Variants in VCPKMT observed in about 807,000 individuals in gnomAD.
The protein encoded by VCPKMT is valosin containing protein lysine methyltransferase, also known as protein N-lysine methyltransferase METTL21D.
A neutral mutation model predicts 28.6 loss-of-function variants in VCPKMT; 32 were observed. The ratio of observed to expected loss-of-function variants is 1.12; its 90% confidence interval spans 0.84 to 1.50. VCPKMT has a LOEUF of 1.50. Ranked by LOEUF, VCPKMT falls within the 40% of genes most tolerant of loss-of-function variation. VCPKMT has a pLI of 0.00. For missense variants in VCPKMT, 366 were observed against 285.0 expected, an observed-to-expected ratio of 1.28 and a Z score of -2.05; for synonymous variants, 138 against 111.4, an observed-to-expected ratio of 1.24 and a Z score of -1.50.
chr14:50,106,558 C>T, downstream of VCPKMT: 1 of 985,370 alleles, frequency 1.0e-6, no homozygotes, highest in Non-Finnish European at 1.2e-6. Context: ...ATCTTCAATA[C>T]CCCTCAGCCT....
downstream of VCPKMT, among the ~76,000 whole-genome samples, chr14:50,107,166 GTGA>G (rs1382162360): frequency 1.3e-5 from 2 of 152,228 alleles, no homozygotes; most frequent in Non-Finnish European, 2.9e-5. Context: ...ATAGTAGTTG[GTGA>G]TGGAGCATGT....
intron 1 of VCPKMT, 23 bp from the exon 2 acceptor site, chr14:50,116,202 G>A (rs368248557): frequency 8.7e-6 from 14 of 1,613,894 alleles, no homozygotes; most frequent in Non-Finnish European, 1.1e-5. Flanking sequence ...GTCGACTGAG[G>A]TGTAGGCACA....
At chr14:50,107,993 A>G (rs1882393195), downstream of VCPKMT, among the ~76,000 whole-genome samples, 1 of 152,008 alleles carries the variant, frequency 6.6e-6, no homozygotes, top group African/African-American at 2.4e-5. Flanking sequence ...ATTTGAGACC[A>G]GTCTGGGCAA....
intron 5 of VCPKMT, among the ~76,000 whole-genome samples, chr14:50,110,757 T>C (rs545211925): frequency 6.6e-5 from 10 of 152,342 alleles, no homozygotes; most frequent in Admixed American, 3.9e-4. Flanking sequence ...CATAGCAGCA[T>C]TATTCATCTC....
At chr14:50,114,783 G>A (rs868646546) in intron 3 of VCPKMT, among the ~76,000 whole-genome samples, 2 of 152,188 alleles carry the variant, frequency 1.3e-5, no homozygotes, top group African/African-American at 4.8e-5. Flanking sequence ...TCAGGAGCTC[G>A]AGGTTACAGT....
rs149656377 is a variant in VCPKMT at position 50,116,518 on chromosome 14, G to A, written c.35C>T (p.Pro12Leu). The A allele has an allele frequency of 1.1e-4, 183 of 1,613,344 alleles. 1 individual carries two copies. In the Middle Eastern group the frequency reaches 6.6e-3, roughly 58 times the overall value. The change falls in exon 1 of 6, where the codon CCA becomes CTA. Residue 12 changes from proline to leucine, a missense_variant. Transcript: ENST00000395860. ...CAAAACTCGCACAAAGCTCCGCAGT[G>A]GGTCCTCCAGCGAGGACTCCAGCGT... ...ADTLESSLED[P>L]LRSFVRVLEK...
chr14:50,115,053 G>T (rs1883009778), intron 3 of VCPKMT, among the ~76,000 whole-genome samples: 2 of 151,100 alleles, frequency 1.3e-5, no homozygotes, highest in Non-Finnish European at 2.9e-5. Context: ...AATAATCAAC[G>T]ATTTCCCTAC....
rs1373867973 is a variant in VCPKMT at position 50,109,029 on chromosome 14, T to C, written c.*670A>G. On this transcript the variant is annotated 3_prime_UTR_variant, in exon 6 of 6. Coordinates refer to ENST00000395860, the MANE Select transcript of VCPKMT (RefSeq NM_024558.3). ...GTAAAGATATCTTTTGTTCCTCCAA[T>C]CTTCTGATTTGTCTTCTTAGCAACT... 4.1e-6 allele frequency: 4 copies of C among 985,324 alleles called. No homozygotes were observed. Among genetic ancestry groups the C allele is most frequent in the Non-Finnish European group, 4.8e-6 (4 of 829,932 alleles). 61.0% of individuals were successfully genotyped at this position (985,324 alleles called of 1,614,324 possible). A position where few individuals can be genotyped will look rare whatever the true frequency, so the allele number is the denominator to read the frequency against.
At chr14:50,108,490 C>T (rs1239975868), downstream of VCPKMT, 1 of 626,498 alleles carries the variant, frequency 1.6e-6, no homozygotes, top group Non-Finnish European at 2.0e-6. Context: ...GCAAAGGAAA[C>T]TTTTAAGACT....
At chr14:50,105,447 A>C (rs1041801936), downstream of VCPKMT, among the ~76,000 whole-genome samples, 1 of 152,182 alleles carries the variant, frequency 6.6e-6, no homozygotes, top group African/African-American at 2.4e-5. Flanking sequence ...CTTGACCAAC[A>C]TGGTGAAACC....
rs1201327218 is a variant in VCPKMT at position 50,114,456 on chromosome 14, CTAAAAG to C, written c.451-58_451-53del. 12 of 1,326,580 alleles carry C rather than the reference CTAAAAG, an allele frequency of 9.0e-6. No homozygotes were observed. The African/African-American group carries it at 1.5e-4, about 17-fold the overall frequency. The allele number at this position is 1,326,580 out of a possible 1,614,324, so 82.2% of individuals were successfully genotyped here. A position where few individuals can be genotyped will look rare whatever the true frequency, so the allele number is the denominator to read the frequency against. ...TTTTTGATTTAAAAATTTTTCTACT[CTAAAAG>C]TAGGTTGAGGAGGTACAGGGGTATT... On this transcript the variant is annotated intron_variant, in intron 3 of 5. Transcript: ENST00000395860.
intron 3 of VCPKMT, among the ~76,000 whole-genome samples, chr14:50,115,518 T>C (rs1009660708): frequency 6.6e-6 from 1 of 152,226 alleles, no homozygotes; most frequent in African/African-American, 2.4e-5. Flanking sequence ...ATGGTTAACA[T>C]GTTCCGTGGG....
chr14:50,111,720 C>A (rs1268252997), intron 5 of VCPKMT: 9 of 712,892 alleles, frequency 1.3e-5, no homozygotes, highest in Non-Finnish European at 1.5e-5. Context: ...TCAACAACAA[C>A]AAAAAAAATA....
downstream of VCPKMT, chr14:50,106,490 T>C (rs1313178562): frequency 1.1e-6 from 1 of 942,734 alleles, no homozygotes; most frequent in Non-Finnish European, 1.3e-6. Context: ...TCCTTCATGT[T>C]GTTGCAGAAG....
chr14:50,114,434 T>A (rs200942710), intron 3 of VCPKMT, 30 bp from the exon 4 acceptor site: 19 of 1,405,644 alleles, frequency 1.4e-5, no homozygotes, highest in Non-Finnish European at 1.6e-5. Flanking sequence ...TTTTTTGTTT[T>A]TGATTTAAAA....
At chr14:50,112,565 C>A in intron 5 of VCPKMT, 50 bp downstream of exon 5, 1 of 1,210,936 alleles carries the variant, frequency 8.3e-7, no homozygotes, top group South Asian at 1.3e-5. Context: ...GAAATAGTGT[C>A]CAGCTGATGA....
At chr14:50,108,357 A>G (rs1404530922), downstream of VCPKMT, among the ~76,000 whole-genome samples, 1 of 152,236 alleles carries the variant, frequency 6.6e-6, no homozygotes, top group African/African-American at 2.4e-5. Context: ...AGACATCATT[A>G]ATAACAGCTA....
the VCPKMT span, among the ~76,000 whole-genome samples, chr14:50,103,477 GT>G: frequency 6.6e-6 from 1 of 152,088 alleles, no homozygotes; most frequent in Non-Finnish European, 1.5e-5. Context: ...TACCCATCTG[GT>G]CTCAGGTTTA....
chr14:50,112,021 T>A (rs1190292608), intron 5 of VCPKMT: 15 of 985,128 alleles, frequency 1.5e-5, no homozygotes, highest in Non-Finnish European at 1.8e-5. Context: ...GGAAAATACA[T>A]AAATTCTACT....
Sources: allele counts gnomAD v4.1 joint callset (sites outside exome capture counted in the v4.1 genomes callset), GRCh38; gene constraint gnomAD v4.1.1; transcripts MANE v1.5; gene names NCBI Gene and HGNC (gene_info 2026-07-23, HGNC 2026-07-21).